The following NAA15 variants were observed in gnomAD, a reference collection of about 807,000 sequenced individuals.
The protein encoded by NAA15 is N-alpha-acetyltransferase 15, NatA auxiliary subunit.
Under a neutral mutation model 114.0 loss-of-function variants are expected in NAA15, and 34 were observed. That is an observed-to-expected ratio of 0.30 (90% CI 0.23 to 0.40). NAA15 has a LOEUF of 0.40. Among genes scored for constraint, NAA15 ranks in the 10% least tolerant of loss-of-function variants. The pLI is 1.00. For synonymous variants in NAA15, 340 were observed against 338.0 expected, an observed-to-expected ratio of 1.01 and a Z score of -0.06; for missense variants, 658 against 1,004.5, an observed-to-expected ratio of 0.66 and a Z score of 4.66.
chr4:139,307,803 G>A (rs1168823941), intron 1 of NAA15, among the ~76,000 whole-genome samples: 2 of 152,000 alleles, frequency 1.3e-5, no homozygotes, highest in African/African-American at 4.8e-5. Context: ...TTACAGTCTG[G>A]AATAAAACTT....
chr4:139,354,869 C>G (rs572420334), intron 10 of NAA15, among the ~76,000 whole-genome samples: 2 of 152,054 alleles, frequency 1.3e-5, no homozygotes, highest in Non-Finnish European at 2.9e-5. Flanking sequence ...CATTCTCATA[C>G]CTGAAAATTA....
chr4:139,328,703 G>A (rs1197177939), intron 1 of NAA15, among the ~76,000 whole-genome samples: 1 of 151,614 alleles, frequency 6.6e-6, no homozygotes, highest in Non-Finnish European at 1.5e-5. Flanking sequence ...GAGTAGCTGG[G>A]ACTACAGGCA....
chr4:139,347,237 A>C (rs1178783141), intron 6 of NAA15, among the ~76,000 whole-genome samples: 1 of 152,140 alleles, frequency 6.6e-6, no homozygotes, highest in Non-Finnish European at 1.5e-5. Flanking sequence ...TTTAGATGCC[A>C]GTAGTACTCA....
At chr4:139,387,250 G>A (rs6842965) in intron 19 of NAA15, among the ~76,000 whole-genome samples, 1,785 of 152,264 alleles carry the variant, frequency 0.012, 12 homozygotes, top group East Asian at 0.03. Flanking sequence ...CATGAGAAAT[G>A]CAAATCAACA....
chr4:139,362,038 C>T (rs1316507721), intron 14 of NAA15, 101 bp downstream of exon 14: 22 of 699,956 alleles, frequency 3.1e-5, no homozygotes, highest in East Asian at 5.8e-5. Context: ...TTGAGCACCA[C>T]GAGGAAAGAT....
intron 1 of NAA15, among the ~76,000 whole-genome samples, chr4:139,330,412 TCTC>T (rs2110886618): frequency 6.6e-6 from 1 of 152,350 alleles, no homozygotes; most frequent in African/African-American, 2.4e-5. Context: ...GCTTCTGCTT[TCTC>T]CTCCTCTTAT....
At position 139,386,337 on chromosome 4, in the gene NAA15, G is replaced by C. The variant is rs1748909440; in HGVS notation, c.2400+107G>C. 5.5e-6 allele frequency: 3 copies of C among 549,004 alleles called. No individual in the cohort carries two copies. In the South Asian group the frequency reaches 1.0e-4, roughly 18 times the overall value. 34.0% of individuals were successfully genotyped at this position (549,004 alleles called of 1,614,324 possible). ...CTGTTTTTTAAATCATTATGAATCTGGGTCAGAAACAACTTATCTTAAAAT... is the reference window on the plus strand; with the variant it reads ...CTGTTTTTTAAATCATTATGAATCTCGGTCAGAAACAACTTATCTTAAAAT... On this transcript the variant is annotated intron_variant, in intron 19 of 19. Transcript: ENST00000296543.
chr4:139,388,243 A>T lies in NAA15; in HGVS notation c.*159A>T. The T allele has an allele frequency of 1.8e-6, 1 of 565,446 alleles. No homozygotes were observed. 35.0% of individuals were successfully genotyped at this position (565,446 alleles called of 1,614,324 possible). On this transcript the variant is annotated 3_prime_UTR_variant, in exon 20 of 20. Transcript: ENST00000296543. ...ACGTTTTTTATCCTGCTGAAAAAGT[A>T]TATATAAAATATCTAACATTACAGG...
chr4:139,365,954 T>G lies in NAA15; in HGVS notation c.1753+4017T>G, dbSNP rs151030764. On this transcript the variant is annotated intron_variant, in intron 14 of 19. Coordinates refer to ENST00000296543, the MANE Select transcript of NAA15 (RefSeq NM_057175.5). ...TGTTACCAGTTGTTAAAAAGGTCAG[T>G]GCTTATGTTGCCATCCATTTATAGT... Among the ~76,000 whole-genome samples the G allele has an allele frequency of 5.3e-5, 8 of 152,280 alleles. No homozygotes were observed. In the East Asian group the frequency reaches 1.5e-3, roughly 29 times the overall value.
chr4:139,304,161 G>A (rs1163066936), intron 1 of NAA15, among the ~76,000 whole-genome samples: 3 of 152,140 alleles, frequency 2.0e-5, no homozygotes, highest in Non-Finnish European at 4.4e-5. Context: ...CTAGTGATCC[G>A]CCCGCCTCGG....
Position 139,370,862 on chromosome 4 carries a change from T to C in NAA15, c.1947+458T>C, listed in dbSNP as rs555770926. 2.0e-5 allele frequency among the ~76,000 whole-genome samples: 3 copies of C among 152,238 alleles called. No homozygotes were observed. In the South Asian group the frequency reaches 6.2e-4, roughly 31 times the overall value. ...TTATGTCTAGGCTAAATTGAGTTTG[T>C]TATAAACTGAGGACTATACGTGTAT... On this transcript the variant is annotated intron_variant, in intron 15 of 19. Coordinates refer to ENST00000296543, the MANE Select transcript of NAA15 (RefSeq NM_057175.5).
rs1579122758 is a variant in NAA15 at position 139,360,481 on chromosome 4, A to G, written c.1411-19A>G. 3.3e-6 allele frequency: 5 copies of G among 1,509,322 alleles called. No homozygotes were observed. The highest frequency in any genetic ancestry group is 4.4e-6 in the Non-Finnish European group (5 of 1,128,476). The allele number at this position is 1,509,322 out of a possible 1,614,324, so 93.5% of individuals were successfully genotyped here. ...TCTATGATAAAAAGTGATCTTGAAA[A>G]TATTTGATTTCTGTATAGGAAGGAA... On this transcript the variant is annotated intron_variant, in intron 12 of 19. Transcript: ENST00000296543.
intron 4 of NAA15, among the ~76,000 whole-genome samples, chr4:139,341,670 T>C (rs560409225): frequency 1.3e-5 from 2 of 150,930 alleles, no homozygotes; most frequent in African/African-American, 4.9e-5. Flanking sequence ...TATTGACATG[T>C]AACTCTAACA....
At chr4:139,304,017 A>C (rs1186641907) in intron 1 of NAA15, among the ~76,000 whole-genome samples, 1 of 152,132 alleles carries the variant, frequency 6.6e-6, no homozygotes, top group Non-Finnish European at 1.5e-5. Context: ...TCCTGGGTTG[A>C]CGCCATTCTC....
rs568692483 is a variant in NAA15 at position 139,325,464 on chromosome 4, C to T, written c.55-8710C>T. The stretch of plus-strand genomic sequence containing the variant: ...TTTTACCTCTACAATAAGGATTAAA[C>T]CTTTTGTGCTTATGGGATTATCATG... On this transcript the variant is annotated intron_variant, in intron 1 of 19. Coordinates refer to ENST00000296543, the MANE Select transcript of NAA15 (RefSeq NM_057175.5). Among the ~76,000 whole-genome samples, 15 of 152,178 alleles carry T rather than the reference C, an allele frequency of 9.9e-5. No homozygotes were observed. The South Asian group carries it at 3.1e-3, about 32-fold the overall frequency.
At chr4:139,327,280 C>T (rs964636834) in intron 1 of NAA15, among the ~76,000 whole-genome samples, 1 of 152,252 alleles carries the variant, frequency 6.6e-6, no homozygotes, top group Non-Finnish European at 1.5e-5. Flanking sequence ...GACAGAGTCT[C>T]GCTCTGTCAC....
chr4:139,311,424 TA>T (rs1230987251), intron 1 of NAA15, among the ~76,000 whole-genome samples: 1 of 151,980 alleles, frequency 6.6e-6, no homozygotes, highest in Non-Finnish European at 1.5e-5. Flanking sequence ...AGAAGGGAGT[TA>T]AGCTGGGCTT....
intron 1 of NAA15, among the ~76,000 whole-genome samples, chr4:139,309,395 TGTG>T (rs1205248978): frequency 6.6e-6 from 1 of 150,534 alleles, no homozygotes; most frequent in African/African-American, 2.4e-5. Flanking sequence ...CTTTTAATAA[TGTG>T]GTAAATTTAT....
intron 1 of NAA15, among the ~76,000 whole-genome samples, chr4:139,319,796 C>G (rs1746539146): frequency 1.3e-5 from 2 of 152,340 alleles, no homozygotes; most frequent in African/African-American, 4.8e-5. Flanking sequence ...TGTTTCAGCT[C>G]AGCTGTGGTG....
Sources: gnomAD v4.1 joint callset for allele counts (sites outside exome capture counted in the v4.1 genomes callset) on GRCh38, gnomAD v4.1.1 for gene constraint, MANE v1.5 for transcripts, NCBI Gene and HGNC (gene_info 2026-07-23, HGNC 2026-07-21) for gene names.